ZFHX3: variants seen among roughly 807,000 people sequenced by gnomAD.
The protein encoded by ZFHX3 is zinc finger homeobox 3, also known as zinc finger homeobox protein 3.
In ZFHX3, 42 loss-of-function variants were observed where a neutral mutation model predicts 279.1. That is an observed-to-expected ratio of 0.15 (90% confidence interval 0.12 to 0.19). The LOEUF is 0.19. Ranked by LOEUF, ZFHX3 falls within the 10% of genes least tolerant of loss-of-function variation. The pLI is 1.00. For missense variants in ZFHX3, 4,981 were observed against 4,754.0 expected, an observed-to-expected ratio of 1.05 and a Z score of -1.40; for synonymous variants, 2,293 against 1,957.8, an observed-to-expected ratio of 1.17 and a Z score of -4.52.
At chr16:73,882,806 A>C (rs2030214923) in intron 1 of ZFHX3, among the ~76,000 whole-genome samples, 1 of 152,104 alleles carries the variant, frequency 6.6e-6, no homozygotes, top group African/African-American at 2.4e-5. Flanking sequence ...AAAAAAGTTC[A>C]GCATTTTGTT....
chr16:73,205,704 G>C (rs1451696258), intron 5 of ZFHX3, among the ~76,000 whole-genome samples: 1 of 152,138 alleles, frequency 6.6e-6, no homozygotes, highest in Non-Finnish European at 1.5e-5. Context: ...TTCAATTCAA[G>C]ATTAGGAAAG....
intron 2 of ZFHX3, among the ~76,000 whole-genome samples, chr16:73,606,390 G>C (rs1246747396): frequency 1.3e-5 from 2 of 151,372 alleles, no homozygotes; most frequent in Non-Finnish European, 2.9e-5. Context: ...GGAGGCTGAG[G>C]CAGGAGAATC....
chr16:73,431,310 C>G (rs999289953), intron 3 of ZFHX3, among the ~76,000 whole-genome samples: 3 of 151,826 alleles, frequency 2.0e-5, no homozygotes, highest in Non-Finnish European at 4.4e-5. Flanking sequence ...GAGGCTGAGG[C>G]GGGCGGATCA....
At chr16:73,858,914 G>A (rs76927639) in intron 1 of ZFHX3, among the ~76,000 whole-genome samples, 2,630 of 152,190 alleles carry the variant, frequency 0.017, 39 homozygotes, top group Middle Eastern at 0.041. Context: ...AACTAACCAC[G>A]CACCATCTTC....
intron 5 of ZFHX3, among the ~76,000 whole-genome samples, chr16:73,248,669 G>A (rs760167778): frequency 2.7e-5 from 4 of 149,606 alleles, no homozygotes; most frequent in African/African-American, 7.3e-5. Context: ...GTGTGTGCAC[G>A]TGCACGTGTG....
chr16:72,855,624 G>C (rs776481294), intron 4 of ZFHX3, among the ~76,000 whole-genome samples: 7 of 152,210 alleles, frequency 4.6e-5, no homozygotes, highest in African/African-American at 4.8e-5. Context: ...GATTCATCTG[G>C]AAATCGAGAG....
At chr16:73,742,899 G>T (rs2142261723) in intron 1 of ZFHX3, among the ~76,000 whole-genome samples, 1 of 152,236 alleles carries the variant, frequency 6.6e-6, no homozygotes, top group East Asian at 1.9e-4. Flanking sequence ...AAACTGGCAG[G>T]TTTATTTCTA....
At chr16:72,915,345 C>T (rs1161313696) in intron 3 of ZFHX3, among the ~76,000 whole-genome samples, 3 of 152,202 alleles carry the variant, frequency 2.0e-5, no homozygotes, top group Admixed American at 6.5e-5. Flanking sequence ...CTTCCATCAA[C>T]ACCTAGACTC....
rs1597078141 is a variant in ZFHX3, at chr16:73,713,947, T to C, written c.-1607-33707A>G. ...CAGCCTTGTTTAGAAGGCTTTCGCATCAGAAGAATAAGTACAGCCAGAGGA... is the reference window on the plus strand; with the variant it reads ...CAGCCTTGTTTAGAAGGCTTTCGCACCAGAAGAATAAGTACAGCCAGAGGA... On this transcript the variant is annotated intron_variant, in intron 1 of 17. Coordinates refer to the ZFHX3 transcript ENST00000641206. Among the ~76,000 whole-genome samples, 4 of 152,090 alleles carry C rather than the reference T, an allele frequency of 2.6e-5. No individual in the cohort carries two copies. The South Asian group carries it at 8.3e-4, about 31-fold the overall frequency.
chr16:73,870,754 G>A (rs1332105148), intron 1 of ZFHX3, among the ~76,000 whole-genome samples: 2 of 152,170 alleles, frequency 1.3e-5, no homozygotes, highest in Admixed American at 6.5e-5. Flanking sequence ...CCGGCGGGCA[G>A]CACCTGCTCT....
chr16:73,691,810 T>G (rs35290731), intron 1 of ZFHX3, among the ~76,000 whole-genome samples: 81,800 of 152,036 alleles, frequency 0.54, 25,397 homozygotes, highest in East Asian at 0.84. Context: ...TCACTTGTTC[T>G]TCATTAATTT....
At chr16:72,849,449 G>A (rs1270094694) in intron 4 of ZFHX3, among the ~76,000 whole-genome samples, 1 of 152,160 alleles carries the variant, frequency 6.6e-6, no homozygotes, top group African/African-American at 2.4e-5. Context: ...AAACCTGCCT[G>A]AAGATGAGGC....
In ZFHX3 at chr16:72,959,611, C is replaced by T; in HGVS notation, c.535G>A (p.Gly179Ser). The change falls in exon 2 of 10, where the codon GGC (glycine) becomes AGC (serine). Residue 179 changes from glycine (G) to serine (S), a missense_variant. Gly to Ser is a moderately conservative substitution (Grantham distance 56). This residue lies in a region of ZFHX3 where 1,068 missense variants were observed against 935.2 expected (regional missense o/e 1.14). Coordinates refer to ENST00000268489, the MANE Select transcript of ZFHX3 (RefSeq NM_006885.4). ...GCACACGAAGGGTCCCCTTGCTTGCCCCCCGCGCCAGGGAGAGAGTTCAGG... is the reference window on the plus strand; with the variant it reads ...GCACACGAAGGGTCCCCTTGCTTGCTCCCCGCGCCAGGGAGAGAGTTCAGG... The part of the protein sequence containing the change: ...LFLNSLPGAG[G>S]KQGDPSCAAP... 6.2e-7 allele frequency: 1 copy of T among 1,614,138 alleles called. No individual in the cohort carries two copies. The highest frequency in any genetic ancestry group is 8.5e-7 in the Non-Finnish European group (1 of 1,180,034).
At chr16:73,759,237 C>T (rs185569727) in intron 1 of ZFHX3, among the ~76,000 whole-genome samples, 4 of 152,112 alleles carry the variant, frequency 2.6e-5, no homozygotes, top group Admixed American at 6.6e-5. Flanking sequence ...GATGCTTTGC[C>T]GTCTTTAACA....
chr16:73,742,368 G>A (rs573491206), intron 1 of ZFHX3, among the ~76,000 whole-genome samples: 124 of 152,038 alleles, frequency 8.2e-4, no homozygotes, highest in African/African-American at 2.8e-3. Flanking sequence ...GGTATTAATA[G>A]ATTGGCTATT....
At chr16:72,929,881 C>A (rs569582692) in intron 3 of ZFHX3, among the ~76,000 whole-genome samples, 4 of 152,282 alleles carry the variant, frequency 2.6e-5, no homozygotes, top group African/African-American at 9.6e-5. Flanking sequence ...TCCCAGCCCC[C>A]CAGCATGAAA....
chr16:73,599,639 C>T (rs1193823846), intron 2 of ZFHX3, among the ~76,000 whole-genome samples: 2 of 151,498 alleles, frequency 1.3e-5, no homozygotes, highest in African/African-American at 4.8e-5. Context: ...TGCTTCCCTC[C>T]ATTAGGAGAG....
intron 3 of ZFHX3, among the ~76,000 whole-genome samples, chr16:72,922,047 C>T (rs2039599794): frequency 6.6e-6 from 1 of 152,184 alleles, no homozygotes; most frequent in Non-Finnish European, 1.5e-5. Context: ...CCTTCTCAGC[C>T]CTGCAGCACG....
chr16:72,841,963 T>G (rs1270724694), intron 4 of ZFHX3, among the ~76,000 whole-genome samples: 1 of 152,322 alleles, frequency 6.6e-6, no homozygotes, highest in South Asian at 2.1e-4. Context: ...AATGTTGCCA[T>G]GAGATGACAA....
Sources: gnomAD v4.1 joint callset for allele counts (sites outside exome capture counted in the v4.1 genomes callset) on GRCh38, gnomAD v4.1.1 for gene constraint, gnomAD v4.1.1 regional missense constraint, MANE v1.5 for transcripts, NCBI Gene and HGNC (gene_info 2026-07-23, HGNC 2026-07-21) for gene names.